SPECC1: variants seen among roughly 807,000 people sequenced by gnomAD.
The protein encoded by SPECC1 is cytospin-B.
SPECC1 carries 62 observed loss-of-function variants against 104.1 expected under a neutral mutation model. That is an observed-to-expected ratio of 0.60 (90% CI 0.49 to 0.74). The LOEUF (loss-of-function observed/expected upper bound fraction) is 0.74, where lower values mean the gene tolerates loss of function less well. SPECC1 is among the 30% of genes least tolerant of loss of function. The pLI is 0.00. For missense variants in SPECC1, 1,306 were observed against 1,310.5 expected (o/e 1.00, Z 0.05); for synonymous variants, 513 against 501.6 (o/e 1.02, Z -0.30).
chr17:20,268,280 ATCT>A (rs755532081), intron 12 of SPECC1, among the ~76,000 whole-genome samples: 15 of 152,112 alleles, frequency 9.9e-5, no homozygotes, highest in Non-Finnish European at 1.8e-4. Context: ...TCAGACCTAT[ATCT>A]TCTTCTCTTT....
chr17:20,112,379 G>T, intron 3 of SPECC1: 1 of 757,556 alleles, frequency 1.3e-6, no homozygotes, highest in Non-Finnish European at 2.5e-6. Flanking sequence ...CCTAGAAATG[G>T]CAATAAAGAA....
intron 1 of SPECC1, among the ~76,000 whole-genome samples, chr17:20,090,339 A>G (rs1007019789): frequency 3.3e-5 from 5 of 152,046 alleles, no homozygotes; most frequent in African/African-American, 1.2e-4. Context: ...GGGGTGCTGC[A>G]CTTTCCGTTT....
chr17:20,111,823 G>A (rs1227393770), intron 3 of SPECC1: 29 of 828,022 alleles, frequency 3.5e-5, no homozygotes, highest in African/African-American at 5.0e-5. Context: ...GGGGCAGCGC[G>A]ATGAGGTGGG....
At chr17:20,112,657 G>C (rs2048550140) in intron 3 of SPECC1, 4 of 928,568 alleles carry the variant, frequency 4.3e-6, no homozygotes, top group Non-Finnish European at 5.4e-6. Flanking sequence ...AGGGAGTCAA[G>C]ACACTCTGTT....
intron 3 of SPECC1, among the ~76,000 whole-genome samples, chr17:20,180,648 G>A (rs1223040855): frequency 2.6e-5 from 4 of 152,322 alleles, no homozygotes; most frequent in African/African-American, 9.6e-5. Flanking sequence ...ATTGCACAGC[G>A]AACTGGATAA....
At chr17:20,272,250 C>T (rs1304789158) in intron 12 of SPECC1, among the ~76,000 whole-genome samples, 2 of 152,064 alleles carry the variant, frequency 1.3e-5, no homozygotes, top group African/African-American at 4.8e-5. Flanking sequence ...TTTTTTTCCC[C>T]TATTTCTATC....
At chr17:20,196,238 A>G (rs1597943039) in intron 3 of SPECC1, among the ~76,000 whole-genome samples, 1 of 152,240 alleles carries the variant, frequency 6.6e-6, no homozygotes, top group African/African-American at 2.4e-5. Flanking sequence ...CTATTTCTTC[A>G]ATAGTCTCAA....
chr17:20,081,718 C>T (rs1222500741), intron 1 of SPECC1, among the ~76,000 whole-genome samples: 2 of 152,042 alleles, frequency 1.3e-5, no homozygotes, highest in East Asian at 1.9e-4. Context: ...ACGGGTGCAG[C>T]GTTCTGGGCG....
intron 2 of SPECC1, among the ~76,000 whole-genome samples, chr17:20,100,157 C>A (rs897797888): frequency 2.6e-5 from 4 of 152,086 alleles, no homozygotes; most frequent in Non-Finnish European, 4.4e-5. Flanking sequence ...ATATTAGGGG[C>A]CTTCTGCTCT....
chr17:20,107,154 A>AAAAAAAAAG, intron 2 of SPECC1, among the ~76,000 whole-genome samples: 1 of 149,422 alleles, frequency 6.7e-6, no homozygotes, highest in Non-Finnish European at 1.5e-5. Context: ...CAAAAAAAAA[A>AAAAAAAAAG]AAAAAAAAAA....
intron 13 of SPECC1, among the ~76,000 whole-genome samples, chr17:20,304,963 C>T (rs2041716310): frequency 6.6e-6 from 1 of 151,922 alleles, no homozygotes; most frequent in Non-Finnish European, 1.5e-5. Context: ...AAGGAAAACC[C>T]CAAACAAGCA....
At chr17:20,019,751 G>T (rs1394687950) in intron 1 of SPECC1, among the ~76,000 whole-genome samples, 1 of 152,088 alleles carries the variant, frequency 6.6e-6, no homozygotes, top group Non-Finnish European at 1.5e-5. Context: ...TCAGAGATCT[G>T]CCACTTCTCT....
chr17:20,102,350 C>G (rs1277293476), intron 2 of SPECC1, among the ~76,000 whole-genome samples: 1 of 152,156 alleles, frequency 6.6e-6, no homozygotes, highest in African/African-American at 2.4e-5. Context: ...AATGGAATTC[C>G]TCGTGGAAGG....
At chr17:20,044,815 T>C (rs973928408) in intron 1 of SPECC1, among the ~76,000 whole-genome samples, 1 of 152,178 alleles carries the variant, frequency 6.6e-6, no homozygotes, top group African/African-American at 2.4e-5. Flanking sequence ...ACATGAAAAG[T>C]ACATTTATTT....
chr17:20,156,597 C>T (rs2032568953), intron 3 of SPECC1, among the ~76,000 whole-genome samples: 1 of 152,126 alleles, frequency 6.6e-6, no homozygotes, highest in Non-Finnish European at 1.5e-5. Context: ...GGGCGTGCCC[C>T]GCGGCCTCTC....
chr17:20,200,933 TGGCTGGA>T (rs2036391508), intron 3 of SPECC1, among the ~76,000 whole-genome samples: 1 of 151,170 alleles, frequency 6.6e-6, no homozygotes, highest in African/African-American at 2.4e-5. Context: ...AACAAAAATA[TGGCTGGA>T]TTGTACATTT....
chr17:20,285,149 A>G (rs2040899813), intron 12 of SPECC1, among the ~76,000 whole-genome samples: 1 of 152,204 alleles, frequency 6.6e-6, no homozygotes, highest in Non-Finnish European at 1.5e-5. Context: ...AAGGCAAGTA[A>G]CCAGGCAACC....
intron 3 of SPECC1, among the ~76,000 whole-genome samples, chr17:20,139,692 G>T (rs1400594349): frequency 6.6e-6 from 1 of 151,650 alleles, no homozygotes; most frequent in Non-Finnish European, 1.5e-5. Flanking sequence ...TTTATTTTTT[G>T]AGACGAAATC....
chr17:20,312,247 T>G (rs1483837377), intron 14 of SPECC1, among the ~76,000 whole-genome samples: 1 of 152,234 alleles, frequency 6.6e-6, no homozygotes, highest in Non-Finnish European at 1.5e-5. Flanking sequence ...TCTGGTATCT[T>G]TTGGAGGGTC....
Sources: gnomAD v4.1 joint callset for allele counts (sites outside exome capture counted in the v4.1 genomes callset) on GRCh38, gnomAD v4.1.1 for gene constraint, MANE v1.5 for transcripts, NCBI Gene and HGNC (gene_info 2026-07-23, HGNC 2026-07-21) for gene names.